MARCHF11: variants seen among roughly 807,000 people sequenced by gnomAD.
MARCHF11 encodes the protein membrane associated ring-CH-type finger 11.
Under a neutral mutation model 37.3 loss-of-function variants are expected in MARCHF11, and 29 were observed. The observed-to-expected ratio is 0.78, with a 90% CI of 0.58 to 1.06. The LOEUF (loss-of-function observed/expected upper bound fraction) is 1.06, where lower values mean the gene tolerates loss of function less well. Among genes scored for constraint, MARCHF11 ranks in the 50% least tolerant of loss-of-function variants. The pLI is 0.00. For missense variants in MARCHF11, 482 were observed against 533.4 expected (o/e 0.90, Z 0.95); for synonymous variants, 233 against 228.0 (o/e 1.02, Z -0.20).
rs78975632 is a variant in MARCHF11, at chr5:16,165,038, C to G, written c.693+12688G>C. Among the ~76,000 whole-genome samples, 556 of 152,186 alleles carry G rather than the reference C, an allele frequency of 3.7e-3. 3 individuals are homozygous for G. Among genetic ancestry groups the G allele is most frequent in the Admixed American group, 8.4e-3 (128 of 15,272 alleles). On this transcript the variant is annotated intron_variant, in intron 2 of 3. Transcript: ENST00000332432. ...CCTACGCTTCATCACTCAAAGCTGT[C>G]CAGCCACATGGTCTTTTTATTCCCT...
At chr5:16,176,099 T>A (rs1738348996) in intron 2 of MARCHF11, among the ~76,000 whole-genome samples, 11 of 151,650 alleles carry the variant, frequency 7.3e-5, no homozygotes, top group Admixed American at 7.2e-4. Context: ...AAATAGTATT[T>A]TTTTTTTTTG....
intron 2 of MARCHF11, among the ~76,000 whole-genome samples, chr5:16,177,087 C>CA (rs1738376803): frequency 6.6e-6 from 1 of 152,082 alleles, no homozygotes; most frequent in African/African-American, 2.4e-5. Flanking sequence ...TGATTATACA[C>CA]AAAAAGTTTA....
In MARCHF11 at chr5:16,103,010, G is replaced by A. The variant is rs560844516; in HGVS notation, c.694-11929C>T. Among the ~76,000 whole-genome samples the A allele has an allele frequency of 2.0e-5, 3 of 151,768 alleles. No individual in the cohort carries two copies. In the East Asian group the frequency reaches 5.9e-4, roughly 30 times the overall value. On this transcript the variant is annotated intron_variant, in intron 2 of 3. Coordinates refer to ENST00000332432, the MANE Select transcript of MARCHF11 (RefSeq NM_001102562.3). ...TACATATGGAATTCTGACCCTTTAA[G>A]CATCTAATATGTATAAATGTATTCA...
intron 2 of MARCHF11, among the ~76,000 whole-genome samples, chr5:16,134,422 C>T (rs1737574055): frequency 6.6e-6 from 1 of 152,130 alleles, no homozygotes; most frequent in South Asian, 2.1e-4. Context: ...TGCGATGACA[C>T]AGCAAGAAAG....
intron 2 of MARCHF11, among the ~76,000 whole-genome samples, chr5:16,142,093 AGT>A (rs1737716506): frequency 6.6e-6 from 1 of 152,258 alleles, no homozygotes; most frequent in African/African-American, 2.4e-5. Context: ...ATTCTATCTT[AGT>A]CACACAAAGT....
intron 2 of MARCHF11, among the ~76,000 whole-genome samples, chr5:16,163,656 G>C (rs1436584764): frequency 9.9e-5 from 15 of 152,026 alleles, no homozygotes; most frequent in African/African-American, 3.4e-4. Flanking sequence ...AAGATAAGTT[G>C]AGTAGCTATA....
At chr5:16,160,467 C>A (rs946603863) in intron 2 of MARCHF11, among the ~76,000 whole-genome samples, 16 of 146,602 alleles carry the variant, frequency 1.1e-4, no homozygotes, top group Admixed American at 2.7e-4. Context: ...GAGATGTTTG[C>A]CACTAGATGT....
At chr5:16,071,236 G>A (rs1050454698) in intron 3 of MARCHF11, among the ~76,000 whole-genome samples, 18 of 152,242 alleles carry the variant, frequency 1.2e-4, no homozygotes, top group South Asian at 4.2e-4. Context: ...TCTATAAAAC[G>A]TAAATACTGA....
At chr5:16,082,249 T>C (rs997411538) in intron 3 of MARCHF11, among the ~76,000 whole-genome samples, 1 of 152,204 alleles carries the variant, frequency 6.6e-6, no homozygotes, top group African/African-American at 2.4e-5. Flanking sequence ...TTCAGGCTCA[T>C]CACGTTGAAT....
chr5:16,086,186 A>G (rs1736695706), intron 3 of MARCHF11, among the ~76,000 whole-genome samples: 1 of 152,098 alleles, frequency 6.6e-6, no homozygotes. Flanking sequence ...GAAAAAGACT[A>G]TTTTCTCAAC....
intron 2 of MARCHF11, among the ~76,000 whole-genome samples, chr5:16,150,414 T>C (rs1279900559): frequency 6.7e-6 from 1 of 149,088 alleles, no homozygotes; most frequent in African/African-American, 2.6e-5. Context: ...AGAAACATAG[T>C]ATGTGGTTCT....
chr5:16,096,355 T>A (rs556677750), intron 2 of MARCHF11, among the ~76,000 whole-genome samples: 1 of 152,228 alleles, frequency 6.6e-6, no homozygotes, highest in Non-Finnish European at 1.5e-5. Flanking sequence ...AGGAGTTATA[T>A]CTCTTTAATT....
At chr5:16,091,784 T>C (rs1019643214) in intron 2 of MARCHF11, among the ~76,000 whole-genome samples, 2 of 152,234 alleles carry the variant, frequency 1.3e-5, no homozygotes, top group African/African-American at 4.8e-5. Context: ...GGGCAAATAA[T>C]TTGGTGCCCT....
At chr5:16,137,415 C>G (rs1265233805) in intron 2 of MARCHF11, among the ~76,000 whole-genome samples, 1 of 151,452 alleles carries the variant, frequency 6.6e-6, no homozygotes, top group Non-Finnish European at 1.5e-5. Context: ...CCTGCTGTGC[C>G]TTCTGCCAAT....
At chr5:16,068,801 AG>A (rs1736390848) in intron 3 of MARCHF11, among the ~76,000 whole-genome samples, 1 of 152,234 alleles carries the variant, frequency 6.6e-6, no homozygotes, top group African/African-American at 2.4e-5. Context: ...AGGTGAAGTG[AG>A]GAAGAGCTCT....
At chr5:16,087,740 T>C (rs932276391) in intron 3 of MARCHF11, among the ~76,000 whole-genome samples, 1 of 152,090 alleles carries the variant, frequency 6.6e-6, no homozygotes, top group Non-Finnish European at 1.5e-5. Context: ...AACTAAATAT[T>C]GGGAAAGAAG....
chr5:16,108,560 C>A (rs1360843257), intron 2 of MARCHF11, among the ~76,000 whole-genome samples: 1 of 152,152 alleles, frequency 6.6e-6, no homozygotes, highest in East Asian at 1.9e-4. Context: ...GGAGGCAGAA[C>A]TGTTACCAGG....
At chr5:16,124,347 G>A (rs1190886650) in intron 2 of MARCHF11, among the ~76,000 whole-genome samples, 2 of 152,144 alleles carry the variant, frequency 1.3e-5, no homozygotes, top group East Asian at 3.9e-4. Flanking sequence ...CGGGATTGTT[G>A]GATAAACTTT....
intron 2 of MARCHF11, among the ~76,000 whole-genome samples, chr5:16,173,676 C>A (rs1738309757): frequency 6.6e-6 from 1 of 152,178 alleles, no homozygotes; most frequent in South Asian, 2.1e-4. Flanking sequence ...AAGCCATGAA[C>A]TTCACTTTGG....
Sources: gnomAD v4.1 joint callset for allele counts (sites outside exome capture counted in the v4.1 genomes callset) on GRCh38, gnomAD v4.1.1 for gene constraint, MANE v1.5 for transcripts, NCBI Gene and HGNC (gene_info 2026-07-23, HGNC 2026-07-21) for gene names.